MAX: variants seen among roughly 807,000 people sequenced by gnomAD.
The protein encoded by MAX is protein max.
Under a neutral mutation model 22.3 loss-of-function variants are expected in MAX, and 3 were observed. The ratio of observed to expected loss-of-function variants is 0.13; its 90% confidence interval spans 0.06 to 0.35. The LOEUF is 0.35. Ranked by LOEUF, MAX falls within the 10% of genes least tolerant of loss-of-function variation. The pLI is 1.00. For missense variants in MAX, 119 were observed against 209.4 expected, an observed-to-expected ratio of 0.57 and a Z score of 2.66; for synonymous variants, 72 against 77.7, an observed-to-expected ratio of 0.93 and a Z score of 0.39.
intron 3 of MAX, among the ~76,000 whole-genome samples, chr14:65,064,501 C>A (rs1032190019): frequency 2.6e-5 from 4 of 152,176 alleles, no homozygotes; most frequent in Non-Finnish European, 2.9e-5. Flanking sequence ...AATGGCAGCA[C>A]CAATAGCTCC....
downstream of MAX, among the ~76,000 whole-genome samples, chr14:65,072,722 C>T (rs952003129): frequency 3.3e-5 from 5 of 152,204 alleles, no homozygotes; most frequent in Admixed American, 6.5e-5. Flanking sequence ...GCAGTTCTGC[C>T]TGGGCCTCCA....
rs1324738013 is a variant in MAX at position 65,044,227 on chromosome 14, C to G, written c.172-37943G>C. 1 of 1,599,014 alleles carries G rather than the reference C, an allele frequency of 6.3e-7. No individual in the cohort carries two copies. The highest frequency in any genetic ancestry group is 1.8e-5 in the Admixed American group (1 of 55,050). On this transcript the variant is annotated intron_variant, in intron 3 of 3. Transcript: ENST00000341653. This position sits in a 1 kb window ranked among gnomAD's most constrained non-coding sequence, Gnocchi z 5.5. ...CCACAAGATGGGAAACCCTCCATCC[C>G]ACAGATTGACTCCTGGAGATTCTGT...
intron 3 of MAX, among the ~76,000 whole-genome samples, chr14:65,038,704 C>T (rs891898598): frequency 3.9e-5 from 6 of 152,052 alleles, no homozygotes; most frequent in African/African-American, 1.4e-4. Context: ...GGCATCAGAG[C>T]GAGACTCTGT....
At chr14:65,026,028 A>C (rs1377808826) in intron 3 of MAX, among the ~76,000 whole-genome samples, 1 of 152,208 alleles carries the variant, frequency 6.6e-6, no homozygotes. Flanking sequence ...ATTAAATGTG[A>C]TGTTGGCAAA....
At position 65,009,453 on chromosome 14, in the gene MAX, C is replaced by A. The variant is rs1435651571; in HGVS notation, c.172-3169G>T. Among the ~76,000 whole-genome samples, 2 of 152,168 alleles carry A rather than the reference C, an allele frequency of 1.3e-5. No individual in the cohort carries two copies. Among genetic ancestry groups the A allele is most frequent in the Non-Finnish European group, 2.9e-5 (2 of 68,028 alleles). ...TCTCCCACCATCTTGACTCCTAGTT[C>A]CTGAGAAAATCGAGGCTGACCCACC... On this transcript the variant is annotated intron_variant, in intron 3 of 3. Transcript: ENST00000341653. This position sits in a 1 kb window ranked among gnomAD's most constrained non-coding sequence, Gnocchi z 4.2.
At chr14:65,071,159 T>C (rs2062984822), downstream of MAX, among the ~76,000 whole-genome samples, 1 of 152,108 alleles carries the variant, frequency 6.6e-6, no homozygotes, top group Non-Finnish European at 1.5e-5. The surrounding 1 kb of genome is among the most constrained non-coding windows in gnomAD (Gnocchi z 4.2). Flanking sequence ...TTTTTTTTTC[T>C]GAGAAGGAGT....
chr14:65,086,880 G>A (rs1257568828), intron 3 of MAX, among the ~76,000 whole-genome samples: 1 of 152,232 alleles, frequency 6.6e-6, no homozygotes, highest in Non-Finnish European at 1.5e-5. Flanking sequence ...CACAGCAGCT[G>A]TTCCCATCAC....
chr14:65,038,649 C>T (rs1388077214), intron 3 of MAX, among the ~76,000 whole-genome samples: 4 of 152,132 alleles, frequency 2.6e-5, no homozygotes, highest in South Asian at 2.1e-4. Context: ...ACCCAGGAGG[C>T]GGAGGTTGCA....
chr14:65,077,285 C>G lies in MAX; in HGVS notation c.296-622G>C. 1 of 1,269,320 alleles carries G rather than the reference C, an allele frequency of 7.9e-7. No individual in the cohort carries two copies. The highest frequency in any genetic ancestry group is 1.3e-5 in the South Asian group (1 of 78,316). The allele number at this position is 1,269,320 out of a possible 1,614,324, so 78.6% of individuals were successfully genotyped here. ...CTCAGCTTGAGCCTGGAAGGTCAAC[C>G]CATTTAATTTATTTTATTTTATTTT... On this transcript the variant is annotated intron_variant, in intron 4 of 4. Coordinates refer to ENST00000358664, the MANE Select transcript of MAX (RefSeq NM_002382.5). This position sits in a 1 kb window ranked among gnomAD's most constrained non-coding sequence, Gnocchi z 6.3.
At position 65,088,641 on chromosome 14, in the gene MAX, A is replaced by T. The variant is rs2063410511; in HGVS notation, c.171+5067T>A. 6.6e-6 allele frequency among the ~76,000 whole-genome samples: 1 copy of T among 152,258 alleles called. No individual in the cohort carries two copies. Among genetic ancestry groups the T allele is most frequent in the Non-Finnish European group, 1.5e-5 (1 of 68,036 alleles). ...AGCCATCTCCCAAAATAATGTGGCC[A>T]GGTTGATGGGGGATTCCTCCCCTCA... On this transcript the variant is annotated intron_variant, in intron 3 of 4. Coordinates refer to ENST00000358664, the MANE Select transcript of MAX (RefSeq NM_002382.5). This position sits in a 1 kb window ranked among gnomAD's most constrained non-coding sequence, Gnocchi z 5.2.
chr14:65,022,184 G>C (rs1230412923), intron 3 of MAX: 1 of 407,248 alleles, frequency 2.5e-6, no homozygotes, highest in African/African-American at 2.0e-5. Flanking sequence ...GAACAAGCTT[G>C]ATGTGATGCC....
downstream of MAX, among the ~76,000 whole-genome samples, chr14:65,070,191 A>G (rs909407939): frequency 2.0e-5 from 3 of 152,198 alleles, no homozygotes; most frequent in African/African-American, 7.2e-5. This position sits in a 1 kb window ranked among gnomAD's most constrained non-coding sequence, Gnocchi z 4.4. Context: ...CTGCAGAAGT[A>G]GGCTTTCTGG....
intron 3 of MAX, among the ~76,000 whole-genome samples, chr14:65,086,981 T>C (rs2063351748): frequency 6.6e-6 from 1 of 152,324 alleles, no homozygotes; most frequent in Admixed American, 6.5e-5. Context: ...GTGCCCTGCA[T>C]CCCGGCCACT....
Position 65,030,977 on chromosome 14 carries a change from T to C in MAX, c.172-24693A>G, listed in dbSNP as rs900093851. Among the ~76,000 whole-genome samples, 4 of 151,762 alleles carry C rather than the reference T, an allele frequency of 2.6e-5. No individual in the cohort carries two copies. Among genetic ancestry groups the C allele is most frequent in the African/African-American group, 4.8e-5 (2 of 41,280 alleles). ...CGTGTGCCACCATGCCCAGCTAATT[T>C]TTGTATTTTTAGTAGAGACGAGGTC... On this transcript the variant is annotated intron_variant, in intron 3 of 3. Coordinates refer to the MAX transcript ENST00000341653. The surrounding 1 kb of genome is among the most constrained non-coding windows in gnomAD (Gnocchi z 4.5).
Position 65,065,347 on chromosome 14 carries a change from C to G in MAX, c.171+28361G>C, listed in dbSNP as rs538806274. 8.7e-4 allele frequency among the ~76,000 whole-genome samples: 132 copies of G among 152,304 alleles called. 3 individuals are homozygous for G. The South Asian group carries it at 0.025, about 29-fold the overall frequency. ...TATGAGACAATGTGAGTTGGACTTA[C>G]TATTACCTGCAACTGAAAGCAACCT... On this transcript the variant is annotated intron_variant, in intron 3 of 3. Transcript: ENST00000341653.
intron 3 of MAX, chr14:65,053,327 G>T: frequency 6.9e-7 from 1 of 1,440,260 alleles, no homozygotes; most frequent in Non-Finnish European, 9.2e-7. Context: ...CCCTGCGGGG[G>T]GGCTTCTGGA....
chr14:65,079,746 A>G lies in MAX; in HGVS notation c.172-1710T>C, dbSNP rs576035047. Among the ~76,000 whole-genome samples the G allele has an allele frequency of 6.6e-6, 1 of 152,318 alleles. No homozygotes were observed. Among genetic ancestry groups the G allele is most frequent in the East Asian group, 1.9e-4 (1 of 5,190 alleles). On this transcript the variant is annotated intron_variant, in intron 3 of 4. Coordinates refer to ENST00000358664, the MANE Select transcript of MAX (RefSeq NM_002382.5). This position sits in a 1 kb window ranked among gnomAD's most constrained non-coding sequence, Gnocchi z 4.5. ...GCAAAACCAGATCTACTCATATTAA[A>G]TCCTAACAATCTCAATTTATAGGCC...
At position 65,029,449 on chromosome 14, in the gene MAX, C is replaced by G. The variant is rs908125612; in HGVS notation, c.172-23165G>C. 3.9e-5 allele frequency among the ~76,000 whole-genome samples: 6 copies of G among 152,208 alleles called. No individual in the cohort carries two copies. The highest frequency in any genetic ancestry group is 9.7e-5 in the African/African-American group (4 of 41,450). ...GCAGTCTCTGGATGATCTTTCTGCT[C>G]TGTTACACTGCTGATAGTTTCAGAG... On this transcript the variant is annotated intron_variant, in intron 3 of 3. Transcript: ENST00000341653. This position sits in a 1 kb window ranked among gnomAD's most constrained non-coding sequence, Gnocchi z 4.7.
chr14:65,100,051 A>G (rs1298169795), intron 2 of MAX, among the ~76,000 whole-genome samples: 1 of 152,238 alleles, frequency 6.6e-6, no homozygotes, highest in Non-Finnish European at 1.5e-5. Flanking sequence ...AGAGGTATCA[A>G]AGTGACATCC....
Sources: allele counts gnomAD v4.1 joint callset (sites outside exome capture counted in the v4.1 genomes callset), GRCh38; gene constraint gnomAD v4.1.1; non-coding constraint Gnocchi (gnomAD v3.1); transcripts MANE v1.5; gene names NCBI Gene and HGNC (gene_info 2026-07-23, HGNC 2026-07-21).